RETREG1: variants seen among roughly 807,000 people sequenced by gnomAD.
RETREG1 encodes family with sequence similarity 134 member B.
A neutral mutation model predicts 54.8 loss-of-function variants in RETREG1; 44 were observed. The ratio of observed to expected loss-of-function variants is 0.80; its 90% CI spans 0.63 to 1.03. RETREG1 has a LOEUF of 1.03. Ranked by LOEUF, RETREG1 falls within the 50% of genes least tolerant of loss-of-function variation. The probability of loss-of-function intolerance (pLI) is 0.00; values close to 1 mark genes in which losing one functional copy is unlikely to be tolerated. For synonymous variants in RETREG1, 217 were observed against 238.5 expected, an observed-to-expected ratio of 0.91 and a Z score of 0.83; for missense variants, 554 against 605.1, an observed-to-expected ratio of 0.92 and a Z score of 0.89.
At chr5:16,611,231 A>C (rs1743334027) in intron 1 of RETREG1, among the ~76,000 whole-genome samples, 1 of 152,198 alleles carries the variant, frequency 6.6e-6, no homozygotes, top group Admixed American at 6.5e-5. Context: ...AGGAAGGGGA[A>C]CATCACACAC....
intron 3 of RETREG1, among the ~76,000 whole-genome samples, chr5:16,540,592 G>T (rs1399690794): frequency 6.6e-6 from 1 of 152,212 alleles, no homozygotes; most frequent in Non-Finnish European, 1.5e-5. Flanking sequence ...GAGTAATTGG[G>T]AATGAACAGA....
At position 16,588,819 on chromosome 5, in the gene RETREG1, A is replaced by G. The variant is rs149058806; in HGVS notation, c.321-16717T>C. On this transcript the variant is annotated intron_variant, in intron 1 of 8. Coordinates refer to ENST00000306320, the MANE Select transcript of RETREG1 (RefSeq NM_001034850.3). ...GGACAATAAATTATATGCTCACCCT[A>G]CTTACTAAGCTCTAAATGAACACAG... 7.2e-5 allele frequency among the ~76,000 whole-genome samples: 11 copies of G among 152,292 alleles called. No individual in the cohort carries two copies. In the East Asian group the frequency reaches 2.1e-3, roughly 29 times the overall value.
At chr5:16,538,731 G>A (rs1741150790) in intron 3 of RETREG1, among the ~76,000 whole-genome samples, 1 of 150,946 alleles carries the variant, frequency 6.6e-6, no homozygotes, top group Non-Finnish European at 1.5e-5. Context: ...TTGAGACGGA[G>A]TCTCGCTCTG....
chr5:16,539,606 T>C (rs2126604830), intron 3 of RETREG1, among the ~76,000 whole-genome samples: 1 of 152,292 alleles, frequency 6.6e-6, no homozygotes, highest in South Asian at 2.1e-4. Context: ...TGTCCCATGC[T>C]TGCTCCTGCA....
chr5:16,502,645 T>C (rs1739763682), intron 3 of RETREG1, among the ~76,000 whole-genome samples: 1 of 152,184 alleles, frequency 6.6e-6, no homozygotes, highest in South Asian at 2.1e-4. Context: ...CAGTATTTTT[T>C]CGAGGCATTA....
intron 3 of RETREG1, among the ~76,000 whole-genome samples, chr5:16,510,037 A>T (rs1426424214): frequency 6.6e-6 from 1 of 152,104 alleles, no homozygotes; most frequent in African/African-American, 2.4e-5. Flanking sequence ...ATAAAAAAAT[A>T]AAAATCTGTG....
At chr5:16,602,263 T>C (rs564518284) in intron 1 of RETREG1, among the ~76,000 whole-genome samples, 30 of 152,292 alleles carry the variant, frequency 2.0e-4, no homozygotes, top group African/African-American at 6.7e-4. Flanking sequence ...ATTCAGGATG[T>C]TGACTTTGTC....
chr5:16,588,570 CCT>C (rs1162204868), intron 1 of RETREG1, among the ~76,000 whole-genome samples: 1 of 152,188 alleles, frequency 6.6e-6, no homozygotes, highest in Non-Finnish European at 1.5e-5. Flanking sequence ...TGTGCTGTGC[CCT>C]GTCAGCCCCA....
At chr5:16,549,383 G>A (rs1028080008) in intron 3 of RETREG1, among the ~76,000 whole-genome samples, 5 of 152,124 alleles carry the variant, frequency 3.3e-5, no homozygotes, top group Non-Finnish European at 5.9e-5. Flanking sequence ...TAGGGAAGTA[G>A]AAATGGTCCA....
At chr5:16,603,568 C>A (rs1347496542) in intron 1 of RETREG1, among the ~76,000 whole-genome samples, 1 of 152,146 alleles carries the variant, frequency 6.6e-6, no homozygotes, top group East Asian at 1.9e-4. Context: ...GCCTACAGAG[C>A]ACGCAGCTTT....
At chr5:16,553,081 T>C (rs1411757724) in intron 3 of RETREG1, among the ~76,000 whole-genome samples, 1 of 152,236 alleles carries the variant, frequency 6.6e-6, no homozygotes, top group Non-Finnish European at 1.5e-5. Context: ...ATTCTGGCTT[T>C]GGGAACTGTT....
At chr5:16,598,379 C>T (rs1035574866) in intron 1 of RETREG1, among the ~76,000 whole-genome samples, 4 of 152,204 alleles carry the variant, frequency 2.6e-5, no homozygotes, top group Admixed American at 6.5e-5. Context: ...GAAGAAGACA[C>T]CGTGTCCCCA....
At chr5:16,569,547 G>A (rs376708344) in intron 2 of RETREG1, among the ~76,000 whole-genome samples, 5 of 152,110 alleles carry the variant, frequency 3.3e-5, no homozygotes, top group East Asian at 1.9e-4. Context: ...TCAGCTGGGC[G>A]AAGTAGACAG....
At position 16,545,096 on chromosome 5, in the gene RETREG1, C is replaced by A. The variant is rs1044776838; in HGVS notation, c.458+20667G>T. On this transcript the variant is annotated intron_variant, in intron 3 of 8. Coordinates refer to ENST00000306320, the MANE Select transcript of RETREG1 (RefSeq NM_001034850.3). ...ACAGCAAAGCAACACATTTCAATTG[C>A]AAAAGCACAGCTCACCTCTCCAGTA... is the stretch of plus-strand genomic sequence containing the variant. Among the ~76,000 whole-genome samples the A allele has an allele frequency of 5.9e-5, 9 of 152,224 alleles. No individual in the cohort carries two copies. In the East Asian group the frequency reaches 1.4e-3, roughly 23 times the overall value.
chr5:16,577,776 GGAGT>G (rs995586503), intron 1 of RETREG1, among the ~76,000 whole-genome samples: 49 of 152,120 alleles, frequency 3.2e-4, no homozygotes, highest in South Asian at 4.2e-4. Context: ...TGTTCTCGTG[GGAGT>G]GAGTAAGTCT....
chr5:16,552,712 A>G (rs536117208), intron 3 of RETREG1, among the ~76,000 whole-genome samples: 23 of 152,326 alleles, frequency 1.5e-4, no homozygotes, highest in Admixed American at 1.4e-3. Flanking sequence ...ACTCTAAAAC[A>G]TATGAGTATC....
chr5:16,483,517 T>G lies in RETREG1; in HGVS notation c.459-45A>C, dbSNP rs776035900. The G allele has an allele frequency of 8.0e-5, 128 of 1,601,170 alleles. 1 individual carries two copies. The East Asian group carries it at 2.8e-3, about 35-fold the overall frequency. On this transcript the variant is annotated intron_variant, in intron 3 of 8. Coordinates refer to ENST00000306320, the MANE Select transcript of RETREG1 (RefSeq NM_001034850.3). Reference sequence around the variant, plus strand: ...AAAAATACTACTGAACTTTGGATGATTCATTCAACATTTATGGCTTTGGCA... The same window carrying G: ...AAAAATACTACTGAACTTTGGATGAGTCATTCAACATTTATGGCTTTGGCA...
intron 3 of RETREG1, among the ~76,000 whole-genome samples, chr5:16,539,877 A>T (rs987785136): frequency 1.3e-5 from 2 of 151,608 alleles, no homozygotes; most frequent in African/African-American, 4.9e-5. Flanking sequence ...ATTGAATGAC[A>T]TGTTTTAAAA....
intron 3 of RETREG1, among the ~76,000 whole-genome samples, chr5:16,507,077 A>G (rs893748630): frequency 2.0e-5 from 3 of 152,200 alleles, no homozygotes; most frequent in African/African-American, 7.2e-5. Context: ...TTTGTTCAGT[A>G]TATATCACAA....
Sources: gnomAD v4.1 joint callset for allele counts (sites outside exome capture counted in the v4.1 genomes callset) on GRCh38, gnomAD v4.1.1 for gene constraint, MANE v1.5 for transcripts, NCBI Gene and HGNC (gene_info 2026-07-23, HGNC 2026-07-21) for gene names.